The following RNF24 variants were observed in gnomAD, a reference collection of about 807,000 sequenced individuals.
The protein encoded by RNF24 is ring finger protein 24.
In RNF24, 14 loss-of-function variants were observed where a neutral mutation model predicts 20.0. That is an observed-to-expected ratio of 0.70 (90% CI 0.46 to 1.10). The LOEUF (loss-of-function observed/expected upper bound fraction) is 1.10. Ranked by LOEUF, RNF24 falls within the 50% of genes least tolerant of loss-of-function variation. RNF24 has a pLI of 0.00. For missense variants in RNF24, 124 were observed against 177.6 expected (o/e 0.70, Z 1.71); for synonymous variants, 45 against 61.1 (o/e 0.74, Z 1.23).
intron 2 of RNF24, among the ~76,000 whole-genome samples, chr20:3,954,779 A>G (rs1396006782): frequency 6.6e-6 from 1 of 151,996 alleles, no homozygotes; most frequent in African/African-American, 2.4e-5. Flanking sequence ...GGCGCCTGTA[A>G]TCCCAACTAC....
At chr20:3,938,863 T>G (rs562854002) in intron 4 of RNF24, among the ~76,000 whole-genome samples, 3 of 152,208 alleles carry the variant, frequency 2.0e-5, no homozygotes, top group African/African-American at 7.2e-5. Flanking sequence ...TCCTCAAGCC[T>G]CAACCTCCCA....
chr20:3,991,076 T>C (rs981941388), intron 1 of RNF24, among the ~76,000 whole-genome samples: 1 of 152,098 alleles, frequency 6.6e-6, no homozygotes, highest in African/African-American at 2.4e-5. Context: ...TATCAGTGAT[T>C]GAGCCTCTGA....
chr20:4,013,686 T>A (rs1568678239), intron 1 of RNF24, among the ~76,000 whole-genome samples: 1 of 152,134 alleles, frequency 6.6e-6, no homozygotes, highest in Non-Finnish European at 1.5e-5. Context: ...GGTTTCACCA[T>A]GTTGGCCAGG....
Position 3,935,020 on chromosome 20 carries a change from G to T in RNF24, c.282C>A (p.Cys94Ter). ...TTCTGTGGAAGGCGTGCTTACATGG[G>T]CAAATCCCCAACTCATCTCGAGGCT... ...DFKPRDELGI[C>*]PCKHAFHRKC... The change falls in exon 5 of 6, where the codon TGC (cysteine) becomes TGA (stop). Residue 94 changes from cysteine (C) to a stop codon, truncating the protein, a stop_gained. Transcript: ENST00000358395. LOFTEE classifies it high-confidence loss of function. 1.2e-6 allele frequency: 2 copies of T among 1,613,912 alleles called. No homozygotes were observed. The highest frequency in any genetic ancestry group is 1.7e-6 in the Non-Finnish European group (2 of 1,179,856).
At chr20:3,941,504 A>T (rs1360097542) in intron 4 of RNF24, among the ~76,000 whole-genome samples, 1 of 152,178 alleles carries the variant, frequency 6.6e-6, no homozygotes, top group Non-Finnish European at 1.5e-5. Flanking sequence ...TAAAGTAAAA[A>T]TCACAACAGA....
At chr20:3,950,731 T>A (rs183784208) in intron 2 of RNF24, among the ~76,000 whole-genome samples, 1 of 152,360 alleles carries the variant, frequency 6.6e-6, no homozygotes, top group African/African-American at 2.4e-5. Flanking sequence ...TATATAACCA[T>A]AGTTGTATAT....
At chr20:3,952,023 T>C (rs1188844856) in intron 2 of RNF24, among the ~76,000 whole-genome samples, 1 of 152,200 alleles carries the variant, frequency 6.6e-6, no homozygotes, top group Non-Finnish European at 1.5e-5. Flanking sequence ...CAGCACTTTC[T>C]CTTAATACTG....
At chr20:4,000,644 C>A (rs114823634) in intron 1 of RNF24, among the ~76,000 whole-genome samples, 188 of 152,226 alleles carry the variant, frequency 1.2e-3, no homozygotes, top group African/African-American at 4.2e-3. Flanking sequence ...AACTTCTGAC[C>A]AGCCACAGTT....
chr20:4,001,857 G>A (rs1981421028), intron 1 of RNF24, among the ~76,000 whole-genome samples: 1 of 151,794 alleles, frequency 6.6e-6, no homozygotes, highest in African/African-American at 2.4e-5. Flanking sequence ...CTGAGGTGGA[G>A]AGATTGCTTG....
chr20:3,953,759 GTT>G (rs66825220), intron 2 of RNF24, among the ~76,000 whole-genome samples: 298 of 138,608 alleles, frequency 2.1e-3, no homozygotes, highest in African/African-American at 7.3e-3. Context: ...TCTTGTAGTA[GTT>G]TTTTTTTTTT....
At chr20:3,981,814 C>A (rs536206354) in intron 1 of RNF24, among the ~76,000 whole-genome samples, 74 of 152,104 alleles carry the variant, frequency 4.9e-4, no homozygotes, top group African/African-American at 1.7e-3. Flanking sequence ...TTCAGCTAAA[C>A]CAGTCTTTAA....
At position 3,934,616 on chromosome 20, in the gene RNF24, G is replaced by A. The variant is rs1244221916; in HGVS notation, c.308+378C>T. ...TGTCTGCAGGAAGTGGGAGGAGAGT[G>A]CCCCACACTACCATTTATATCCAGA... On this transcript the variant is annotated intron_variant, in intron 5 of 5. Coordinates refer to ENST00000358395, the MANE Select transcript of RNF24 (RefSeq NM_001134337.3). The surrounding 1 kb of genome is among the most constrained non-coding windows in gnomAD (Gnocchi z 4.0). Among the ~76,000 whole-genome samples, 1 of 152,144 alleles carries A rather than the reference G, an allele frequency of 6.6e-6. No individual in the cohort carries two copies. The highest frequency in any genetic ancestry group is 1.5e-5 in the Non-Finnish European group (1 of 68,022).
At chr20:3,992,129 C>G (rs1439267083) in intron 1 of RNF24, among the ~76,000 whole-genome samples, 6 of 152,194 alleles carry the variant, frequency 3.9e-5, no homozygotes, top group Non-Finnish European at 5.9e-5. Flanking sequence ...CATTACTTTA[C>G]CCACTCAATA....
intron 4 of RNF24, among the ~76,000 whole-genome samples, chr20:3,943,652 G>A (rs1470370044): frequency 2.0e-5 from 3 of 152,142 alleles, no homozygotes; most frequent in South Asian, 2.1e-4. Context: ...AGATACAAAT[G>A]ACCAGCGAAA....
At chr20:3,977,193 A>G (rs895868706) in intron 1 of RNF24, among the ~76,000 whole-genome samples, 4 of 152,210 alleles carry the variant, frequency 2.6e-5, no homozygotes, top group Non-Finnish European at 5.9e-5. Context: ...TCCACTAATT[A>G]AAATCCCCCA....
chr20:4,003,671 C>T (rs1652636186), intron 1 of RNF24, among the ~76,000 whole-genome samples: 2 of 105,172 alleles, frequency 1.9e-5, no homozygotes, highest in Non-Finnish European at 3.5e-5. Flanking sequence ...GAGACAGAGT[C>T]TCACTCTATT....
chr20:3,951,873 T>A (rs2091085602), intron 2 of RNF24, among the ~76,000 whole-genome samples: 1 of 152,200 alleles, frequency 6.6e-6, no homozygotes, highest in Non-Finnish European at 1.5e-5. Flanking sequence ...CCGTATTTAC[T>A]GGCACCAAAA....
chr20:3,971,798 CA>C, intron 1 of RNF24, among the ~76,000 whole-genome samples: 1 of 152,052 alleles, frequency 6.6e-6, no homozygotes, highest in African/African-American at 2.4e-5. Flanking sequence ...AAATAGAAAA[CA>C]AAGTTTAAAA....
In RNF24 at chr20:3,930,614, A is replaced by T. The variant is rs780710797; in HGVS notation, c.*3449T>A. On this transcript the variant is annotated 3_prime_UTR_variant, in exon 6 of 6. Transcript: ENST00000358395. ...GGTGATTCCATCACTCTCTGCCTGG[A>T]GCTCTGGGTATACTGCCCTGGATGT... 2 of 152,208 alleles carry T rather than the reference A, an allele frequency of 1.3e-5. No individual in the cohort carries two copies. The highest frequency in any genetic ancestry group is 2.4e-5 in the African/African-American group (1 of 41,442). 9.4% of individuals were successfully genotyped at this position (152,208 alleles called of 1,614,324 possible). A position where few individuals can be genotyped will look rare whatever the true frequency, so the allele number is the denominator to read the frequency against.
Sources: allele counts gnomAD v4.1 joint callset (sites outside exome capture counted in the v4.1 genomes callset), GRCh38; gene constraint gnomAD v4.1.1; non-coding constraint Gnocchi (gnomAD v3.1); transcripts MANE v1.5; gene names NCBI Gene and HGNC (gene_info 2026-07-23, HGNC 2026-07-21).